CFAP47: variants seen among roughly 807,000 people sequenced by gnomAD.
The protein encoded by CFAP47 is cilia and flagella associated protein 47, also known as cilia- and flagella-associated protein 47.
CFAP47 carries 29 observed loss-of-function variants against 148.1 expected under a neutral mutation model. The observed-to-expected ratio is 0.20, with a 90% confidence interval of 0.15 to 0.27. The LOEUF (loss-of-function observed/expected upper bound fraction) is 0.27, where lower values mean the gene tolerates loss of function less well. Among genes scored for constraint, CFAP47 ranks in the 10% least tolerant of loss-of-function variants. The probability of loss-of-function intolerance (pLI) is 1.00; values close to 1 mark genes in which losing one functional copy is unlikely to be tolerated. For synonymous variants in CFAP47, 664 were observed against 577.3 expected (o/e 1.15, Z -2.15); for missense variants, 1,872 against 1,697.5 (o/e 1.10, Z -1.81).
intron 45 of CFAP47, among the ~76,000 whole-genome samples, chrX:36,216,398 T>G (rs1940159281): frequency 9.0e-6 from 1 of 111,572 alleles, no homozygotes; most frequent in Non-Finnish European, 1.9e-5. Flanking sequence ...CCATCTGTGC[T>G]GACCACCAGT....
intron 48 of CFAP47, among the ~76,000 whole-genome samples, chrX:36,243,831 C>T (rs1940580594): frequency 9.3e-6 from 1 of 108,005 alleles, no homozygotes; most frequent in South Asian, 4.1e-4. Flanking sequence ...GAAAGAAGTC[C>T]TGAACTTCAA....
chrX:36,019,389 CG>C (rs1250933526), intron 22 of CFAP47, among the ~76,000 whole-genome samples: 3 of 111,885 alleles, frequency 2.7e-5, no homozygotes, highest in Non-Finnish European at 5.6e-5. Context: ...CCTCCTCCCC[CG>C]AGTAGGAGGC....
chrX:36,178,287 A>G (rs1335870660), intron 39 of CFAP47, among the ~76,000 whole-genome samples: 9 of 111,369 alleles, frequency 8.1e-5, no homozygotes, highest in African/African-American at 2.6e-4. Flanking sequence ...GCATCATGCA[A>G]TATACCTGTG....
rs5973604 is a variant in CFAP47, at chrX:36,159,489, A to G, written c.5850A>G (p.Leu1950=). 0.056 allele frequency: 16,509 copies of G among 295,974 alleles called. 1,361 individuals are homozygous for G. The highest frequency in any genetic ancestry group is 0.31 in the African/African-American group (11,098 of 36,264). 24.4% of individuals were successfully genotyped at this position (295,974 alleles called of 1,213,427 possible). The change falls in exon 38 of 64, where the codon CTA becomes CTG. Residue 1950 remains leucine (L), a synonymous_variant. Coordinates refer to ENST00000378653, the MANE Select transcript of CFAP47 (RefSeq NM_001304548.2). ...SRFIRPAEAS[L]LLISKPKNAV... ...TTATTCGTCCTGCTGAAGCTTCACT[A>G]CTATTAATTTCAAAACCCAAGAATG... is the stretch of plus-strand genomic sequence containing the variant.
intron 39 of CFAP47, among the ~76,000 whole-genome samples, chrX:36,167,029 A>G (rs923023705): frequency 6.3e-5 from 7 of 111,554 alleles, no homozygotes; most frequent in African/African-American, 2.3e-4. Flanking sequence ...ACCTCTTTGA[A>G]AAAACAGTTC....
intron 25 of CFAP47, among the ~76,000 whole-genome samples, chrX:36,040,372 A>G (rs1937388770): frequency 8.9e-6 from 1 of 112,061 alleles, no homozygotes; most frequent in African/African-American, 3.2e-5. Flanking sequence ...TCATAACTCT[A>G]GGATATTAAA....
At chrX:35,983,579 G>A in intron 15 of CFAP47, among the ~76,000 whole-genome samples, 1 of 111,860 alleles carries the variant, frequency 8.9e-6, no homozygotes, top group Middle Eastern at 4.7e-3. Flanking sequence ...GATGTTGGCT[G>A]TGGGTTTATC....
At position 35,951,371 on chromosome X, in the gene CFAP47, G is replaced by A. The variant is rs1425195993; in HGVS notation, c.885+12G>A. 1 of 1,025,761 alleles carries A rather than the reference G, an allele frequency of 9.7e-7. No individual in the cohort carries two copies. Among genetic ancestry groups the A allele is most frequent in the South Asian group, 2.0e-5 (1 of 51,245 alleles). 84.5% of individuals were successfully genotyped at this position (1,025,761 alleles called of 1,213,427 possible). ...TGGGAGAAGAATTGGTAAGTAAGTG[G>A]TGCGACAGGGATATCAGATATTATG... is the stretch of plus-strand genomic sequence containing the variant. On this transcript the variant is annotated intron_variant, in intron 5 of 63. Transcript: ENST00000378653.
chrX:36,124,570 C>T (rs1448462300), intron 33 of CFAP47, among the ~76,000 whole-genome samples: 1 of 111,375 alleles, frequency 9.0e-6, no homozygotes, highest in African/African-American at 3.3e-5. Flanking sequence ...GAGTTCAGTG[C>T]TTCACAATTG....
intron 57 of CFAP47, among the ~76,000 whole-genome samples, chrX:36,335,950 G>A (rs1941601275): frequency 9.0e-6 from 1 of 111,129 alleles, no homozygotes; most frequent in African/African-American, 3.3e-5. Context: ...ATATCATAAT[G>A]AGAAAACTGT....
At chrX:36,271,533 T>C (rs1940959026) in intron 49 of CFAP47, among the ~76,000 whole-genome samples, 1 of 111,975 alleles carries the variant, frequency 8.9e-6, no homozygotes, top group African/African-American at 3.2e-5. Flanking sequence ...GCTCTATCTC[T>C]TTAGGTCAAA....
intron 54 of CFAP47, among the ~76,000 whole-genome samples, chrX:36,306,215 G>T (rs1328068914): frequency 9.0e-6 from 1 of 111,392 alleles, no homozygotes; most frequent in Non-Finnish European, 1.9e-5. Context: ...GGAGTCACTG[G>T]CTTCTTTCAC....
At chrX:36,351,251 G>A (rs1311665923) in intron 59 of CFAP47, among the ~76,000 whole-genome samples, 1 of 111,659 alleles carries the variant, frequency 9.0e-6, no homozygotes, top group Admixed American at 9.5e-5. Flanking sequence ...TTTCCTTGAA[G>A]CATTTTTATT....
At chrX:35,992,235 C>A (rs902426881) in intron 17 of CFAP47, among the ~76,000 whole-genome samples, 1 of 110,674 alleles carries the variant, frequency 9.0e-6, no homozygotes, top group Admixed American at 9.7e-5. Context: ...TAATGTTACA[C>A]TCCATATTTA....
At chrX:35,991,491 C>A (rs982878342) in intron 16 of CFAP47, among the ~76,000 whole-genome samples, 13 of 109,689 alleles carry the variant, frequency 1.2e-4, no homozygotes, top group African/African-American at 4.3e-4. Context: ...GCCAAAATAT[C>A]TAAATAAAAT....
chrX:36,241,316 G>GT (rs1451139473), intron 48 of CFAP47, among the ~76,000 whole-genome samples: 3 of 111,913 alleles, frequency 2.7e-5, no homozygotes, highest in African/African-American at 6.5e-5. Flanking sequence ...GAGTGCAGCC[G>GT]TAAGTGTCCA....
chrX:36,317,808 TA>T (rs1400398523), intron 56 of CFAP47, among the ~76,000 whole-genome samples: 2 of 111,396 alleles, frequency 1.8e-5, no homozygotes, highest in African/African-American at 6.5e-5. Flanking sequence ...ATTGTACTAA[TA>T]AAAATATATT....
chrX:36,289,273 G>C (rs886945612), intron 51 of CFAP47, among the ~76,000 whole-genome samples: 2 of 109,740 alleles, frequency 1.8e-5, no homozygotes, highest in East Asian at 5.7e-4. Context: ...CAAAGTGCTG[G>C]GATTACAAGC....
Position 35,967,932 on chromosome X carries a change from C to CAATGAT in CFAP47, c.1814+103_1814+104insGATAAT, listed in dbSNP as rs1936433555. 1.4e-5 allele frequency: 4 copies of CAATGAT among 287,771 alleles called. No individual in the cohort carries two copies. In the East Asian group the frequency reaches 2.2e-4, roughly 16 times the overall value. 23.7% of individuals were successfully genotyped at this position (287,771 alleles called of 1,213,427 possible). ...TCCTGCTGTATAACACTAATGATTA[C>CAATGAT]AATAATAATAATAATAATAATAATA... On this transcript the variant is annotated intron_variant, in intron 10 of 63. Coordinates refer to ENST00000378653, the MANE Select transcript of CFAP47 (RefSeq NM_001304548.2).
Sources: allele counts gnomAD v4.1 joint callset (sites outside exome capture counted in the v4.1 genomes callset), GRCh38; gene constraint gnomAD v4.1.1; transcripts MANE v1.5; gene names NCBI Gene and HGNC (gene_info 2026-07-23, HGNC 2026-07-21).